Variants in FILIP1L observed in about 807,000 individuals in gnomAD.
The protein encoded by FILIP1L is filamin A interacting protein 1 like.
A neutral mutation model predicts 96.6 loss-of-function variants in FILIP1L; 55 were observed. That is an observed-to-expected ratio of 0.57 (90% CI 0.46 to 0.71). The LOEUF is 0.71. Ranked by LOEUF, FILIP1L falls within the 30% of genes least tolerant of loss-of-function variation. The probability of loss-of-function intolerance (pLI) is 0.00; values close to 1 mark genes in which losing one functional copy is unlikely to be tolerated. For synonymous variants in FILIP1L, 467 were observed against 473.9 expected (o/e 0.99, Z 0.19); for missense variants, 1,304 against 1,321.2 (o/e 0.99, Z 0.20).
chr3:99,924,499 C>T (rs1235639096), intron 3 of FILIP1L, 91 bp from the exon 4 acceptor site: 16 of 1,307,508 alleles, frequency 1.2e-5, no homozygotes, highest in Middle Eastern at 2.2e-4. Context: ...TTGATTAATT[C>T]GGCAGTGGGT....
At chr3:100,059,806 A>G (rs1371234755) in intron 1 of FILIP1L, among the ~76,000 whole-genome samples, 1 of 152,158 alleles carries the variant, frequency 6.6e-6, no homozygotes, top group Admixed American at 6.5e-5. Context: ...TTCTGTGTGT[A>G]TGTATCATCT....
chr3:99,836,634 A>C (rs1264760988), intron 5 of FILIP1L, among the ~76,000 whole-genome samples: 3 of 152,184 alleles, frequency 2.0e-5, no homozygotes, highest in African/African-American at 7.2e-5. Flanking sequence ...GGACCCTACC[A>C]TGTGCCCACA....
chr3:99,898,536 G>T (rs1466582168), intron 4 of FILIP1L: 1 of 152,980 alleles, frequency 6.5e-6, no homozygotes, highest in African/African-American at 2.4e-5. Context: ...GGAGGCCGAG[G>T]TGGGTGGATC....
At chr3:99,924,600 C>CT (rs1195810956) in intron 3 of FILIP1L, among the ~76,000 whole-genome samples, 192 bp from the exon 4 acceptor site, 1 of 152,220 alleles carries the variant, frequency 6.6e-6, no homozygotes, top group Non-Finnish European at 1.5e-5. Context: ...CTCACTGCAA[C>CT]TTCCGCCTCC....
chr3:100,034,149 G>A (rs904046750), intron 1 of FILIP1L, among the ~76,000 whole-genome samples: 4 of 152,148 alleles, frequency 2.6e-5, no homozygotes, highest in Non-Finnish European at 5.9e-5. Flanking sequence ...GGTGATTATG[G>A]ACACTAAATT....
intron 1 of FILIP1L, among the ~76,000 whole-genome samples, chr3:99,944,869 A>G (rs535053693): frequency 2.0e-5 from 3 of 152,316 alleles, no homozygotes; most frequent in East Asian, 1.9e-4. Flanking sequence ...AGAAAAAAAC[A>G]TAGATCACCA....
At chr3:100,088,670 TCTC>T (rs892929620) in intron 1 of FILIP1L, among the ~76,000 whole-genome samples, 2 of 152,144 alleles carry the variant, frequency 1.3e-5, no homozygotes, top group African/African-American at 4.8e-5. Flanking sequence ...CTCTTCTTTT[TCTC>T]CTCATCACTC....
intron 1 of FILIP1L, among the ~76,000 whole-genome samples, chr3:100,086,610 C>A (rs1037469924): frequency 2.6e-5 from 4 of 152,172 alleles, no homozygotes; most frequent in Admixed American, 2.6e-4. Context: ...AAAATATGTG[C>A]CTTCCTATGA....
intron 1 of FILIP1L, among the ~76,000 whole-genome samples, chr3:100,030,282 G>A (rs1187211804): frequency 6.6e-6 from 1 of 152,122 alleles, no homozygotes; most frequent in Non-Finnish European, 1.5e-5. Flanking sequence ...GCTTGGATGA[G>A]AAAGGGATCT....
intron 1 of FILIP1L, among the ~76,000 whole-genome samples, chr3:99,945,668 A>G (rs1325246375): frequency 6.6e-6 from 1 of 152,236 alleles, no homozygotes; most frequent in Non-Finnish European, 1.5e-5. Flanking sequence ...AGAGCCTGCC[A>G]AGTCAATTTC....
chr3:99,922,531 C>T (rs1258202104), intron 4 of FILIP1L, among the ~76,000 whole-genome samples: 1 of 152,076 alleles, frequency 6.6e-6, no homozygotes, highest in African/African-American at 2.4e-5. Flanking sequence ...AAAATGCCTA[C>T]CATAAAGTAT....
intron 1 of FILIP1L, among the ~76,000 whole-genome samples, chr3:99,962,344 G>A (rs1361357530): frequency 6.6e-6 from 1 of 152,144 alleles, no homozygotes; most frequent in Non-Finnish European, 1.5e-5. Context: ...TCATCAGGAA[G>A]GATATTTATT....
chr3:99,834,791 A>G (rs1299348315), intron 5 of FILIP1L, among the ~76,000 whole-genome samples: 6 of 152,204 alleles, frequency 3.9e-5, no homozygotes, highest in African/African-American at 1.4e-4. Context: ...CCGTGGAGCC[A>G]GTCTTGGGTC....
At chr3:99,989,093 C>T (rs1176231141) in intron 1 of FILIP1L, among the ~76,000 whole-genome samples, 1 of 152,204 alleles carries the variant, frequency 6.6e-6, no homozygotes, top group East Asian at 1.9e-4. Context: ...GTGATTCACT[C>T]ACAGTTCATA....
intron 1 of FILIP1L, among the ~76,000 whole-genome samples, chr3:99,979,836 G>A (rs1430702848): frequency 6.6e-6 from 1 of 152,190 alleles, no homozygotes; most frequent in Non-Finnish European, 1.5e-5. Flanking sequence ...GACAAGATGA[G>A]TTCACATATA....
intron 1 of FILIP1L, among the ~76,000 whole-genome samples, chr3:100,010,778 A>ATTTTTTTTTTTTTTTT (rs11371196): frequency 3.2e-5 from 3 of 93,678 alleles, no homozygotes; most frequent in African/African-American, 8.8e-5. Context: ...CCACGCCCGG[A>ATTTTTTTTTTTTTTTT]TTTTTTTTTT....
At chr3:99,940,982 AT>A (rs770295724) in intron 1 of FILIP1L, among the ~76,000 whole-genome samples, 11 of 152,224 alleles carry the variant, frequency 7.2e-5, no homozygotes, top group African/African-American at 9.7e-5. Flanking sequence ...CTTCTAAGCC[AT>A]TTGGCTCCCC....
chr3:99,839,672 A>G lies in FILIP1L; in HGVS notation c.3381+8623T>C, dbSNP rs1187447589. ...GAAAATTCTAGTTTAGAATTCAGGT[A>G]TCTTTGAAAGAGACAGAAGTATAAA... On this transcript the variant is annotated intron_variant, in intron 5 of 5. Transcript: ENST00000477258. Among the ~76,000 whole-genome samples the G allele has an allele frequency of 2.0e-5, 3 of 152,246 alleles. No individual in the cohort carries two copies. In the East Asian group the frequency reaches 5.8e-4, roughly 29 times the overall value.
At chr3:99,990,621 A>G (rs539547988) in intron 1 of FILIP1L, among the ~76,000 whole-genome samples, 11 of 152,222 alleles carry the variant, frequency 7.2e-5, no homozygotes, top group Admixed American at 2.0e-4. Context: ...CTTAAAACCA[A>G]TTAAATCAGA....
Sources: allele counts gnomAD v4.1 joint callset (sites outside exome capture counted in the v4.1 genomes callset), GRCh38; gene constraint gnomAD v4.1.1; transcripts MANE v1.5; gene names NCBI Gene and HGNC (gene_info 2026-07-23, HGNC 2026-07-21).